The following ENTPD6 variants were observed in gnomAD, a reference collection of about 807,000 sequenced individuals.
The protein encoded by ENTPD6 is ectonucleoside triphosphate diphosphohydrolase 6.
In ENTPD6, 46 loss-of-function variants were observed where a neutral mutation model predicts 61.5. The observed-to-expected ratio is 0.75, with a 90% CI of 0.59 to 0.96. The LOEUF is 0.96. Ranked by LOEUF, ENTPD6 falls within the 40% of genes least tolerant of loss-of-function variation. The pLI is 0.00. For synonymous variants in ENTPD6, 252 were observed against 255.5 expected, an observed-to-expected ratio of 0.99 and a Z score of 0.13; for missense variants, 612 against 629.0, an observed-to-expected ratio of 0.97 and a Z score of 0.29.
At position 25,227,368 on chromosome 20, in the gene ENTPD6, A is replaced by G. The variant is rs753183897; in HGVS notation, c.*1771A>G. On this transcript the variant is annotated 3_prime_UTR_variant, in exon 15 of 15. Coordinates refer to ENST00000376652, the MANE Select transcript of ENTPD6 (RefSeq NM_001247.5). Reference sequence around the variant, plus strand: ...ACTCCGGAGGCTGAGAATCAGACGCATGAAGGTAAAGCCAAAATCAATTTG... The same window carrying G: ...ACTCCGGAGGCTGAGAATCAGACGCGTGAAGGTAAAGCCAAAATCAATTTG... Among the ~76,000 whole-genome samples, 1 of 152,246 alleles carries G rather than the reference A, an allele frequency of 6.6e-6. No individual in the cohort carries two copies. Among genetic ancestry groups the G allele is most frequent in the Non-Finnish European group, 1.5e-5 (1 of 68,046 alleles).
At position 25,209,906 on chromosome 20, in the gene ENTPD6, A is replaced by G. The variant is rs1242841840; in HGVS notation, c.434A>G (p.Tyr145Cys). The G allele has an allele frequency of 4.3e-6, 7 of 1,614,106 alleles. No homozygotes were observed. The South Asian group carries it at 4.4e-5, about 10-fold the overall frequency. The change falls in exon 4 of 15, where the codon TAT (tyrosine) becomes TGT (cysteine). Residue 145 changes from tyrosine (Y) to cysteine (C), a missense_variant. Transcript: ENST00000376652. ...FKALKPGLSA[Y>C]ADDVEKSAQG... is the part of the protein sequence containing the mutation. ...GCACTGAAGCCAGGTCTTTCTGCCT[A>G]TGCTGATGATGTTGAAAAGGTAAGG...
intron 1 of ENTPD6, among the ~76,000 whole-genome samples, chr20:25,200,438 T>C (rs6050427): frequency 0.74 from 112,081 of 151,976 alleles, 41,355 homozygotes; most frequent in East Asian, 0.92. Context: ...TGTAATTCCA[T>C]TTGTTTATTT....
At chr20:25,221,131 C>T in intron 10 of ENTPD6, 101 bp from the exon 11 acceptor site, 1 of 846,988 alleles carries the variant, frequency 1.2e-6, no homozygotes, top group Non-Finnish European at 1.9e-6. Context: ...TCAGCTTCCC[C>T]CATCCTGTGT....
intron 1 of ENTPD6, among the ~76,000 whole-genome samples, chr20:25,204,305 G>GTT (rs2091285854): frequency 6.6e-6 from 1 of 152,030 alleles, no homozygotes; most frequent in Admixed American, 6.6e-5. Flanking sequence ...TTGCTGTTTG[G>GTT]TTTAAGTTGG....
At chr20:25,206,824 C>T (rs1430848231) in intron 2 of ENTPD6, among the ~76,000 whole-genome samples, 1 of 152,206 alleles carries the variant, frequency 6.6e-6, no homozygotes, top group Non-Finnish European at 1.5e-5. Context: ...GGTCTGTGCA[C>T]CAGGTCAGCA....
chr20:25,216,915 C>T (rs1006995886), intron 8 of ENTPD6, among the ~76,000 whole-genome samples, 179 bp downstream of exon 8: 4 of 152,194 alleles, frequency 2.6e-5, no homozygotes, highest in Non-Finnish European at 5.9e-5. Context: ...GATGATGCTT[C>T]TGGCTTGGAG....
chr20:25,217,880 C>A (rs1426933218), intron 9 of ENTPD6, among the ~76,000 whole-genome samples: 1 of 149,704 alleles, frequency 6.7e-6, no homozygotes, highest in Non-Finnish European at 1.5e-5. Flanking sequence ...TTAACCCAGA[C>A]CTCTCTCTCC....
intron 1 of ENTPD6, among the ~76,000 whole-genome samples, chr20:25,206,063 G>A (rs1441865231): frequency 1.3e-5 from 2 of 152,234 alleles, no homozygotes; most frequent in Admixed American, 6.5e-5. Context: ...TGCTTTCCCT[G>A]CAGCCTGTTC....
At position 25,225,560 on chromosome 20, in the gene ENTPD6, T is replaced by A; in HGVS notation, c.1418T>A (p.Ile473Asn). 1 of 1,614,058 alleles carries A rather than the reference T, an allele frequency of 6.2e-7. No individual in the cohort carries two copies. Among genetic ancestry groups the A allele is most frequent in the Non-Finnish European group, 8.5e-7 (1 of 1,179,964 alleles). The change falls in exon 15 of 15, where the codon ATC becomes AAC. Residue 473 changes from isoleucine (I) to asparagine (N), a missense_variant. Physicochemically the swap from Ile to Asn is moderately radical, Grantham distance 149 (BLOSUM62 -3). Transcript: ENST00000376652. ...GCTCTGGGGGCCATTTTTCATTACA[T>A]CGACTCCCTGAACAGACAGAAGAGT... ...SWALGAIFHY[I>N]DSLNRQKSPA...
At chr20:25,203,093 G>C (rs148164819) in intron 1 of ENTPD6, among the ~76,000 whole-genome samples, 1 of 152,118 alleles carries the variant, frequency 6.6e-6, no homozygotes, top group Non-Finnish European at 1.5e-5. Flanking sequence ...TAGCAGTTTG[G>C]GGGTATCTTC....
At chr20:25,207,449 T>C (rs1232044619) in intron 3 of ENTPD6, 52 bp downstream of exon 3, 1 of 1,468,886 alleles carries the variant, frequency 6.8e-7, no homozygotes, top group African/African-American at 1.4e-5. Context: ...TGTGCTACAG[T>C]GTTGGCCGGG....
In ENTPD6 at chr20:25,207,063, C is replaced by G. The variant is rs778793439; in HGVS notation, c.55-13C>G. The G allele has an allele frequency of 1.3e-6, 2 of 1,589,858 alleles. No homozygotes were observed. Among genetic ancestry groups the G allele is most frequent in the African/African-American group, 1.3e-5 (1 of 74,526 alleles). On this transcript the variant is annotated splice_polypyrimidine_tract_variant and intron_variant, in intron 2 of 14. Transcript: ENST00000376652. ...CTAACGTGCTTTTCCTGCCTCTCCC[C>G]CCTTCCCACCAGCAGCCGCAGCACG... is the stretch of plus-strand genomic sequence containing the variant.
intron 4 of ENTPD6, among the ~76,000 whole-genome samples, chr20:25,212,774 C>T (rs1035110631): frequency 2.0e-5 from 3 of 152,092 alleles, no homozygotes; most frequent in East Asian, 1.9e-4. Context: ...GGTGCCATCT[C>T]GGCTCACTGC....
chr20:25,222,030 A>G (rs553957997), intron 11 of ENTPD6: 2 of 154,846 alleles, frequency 1.3e-5, no homozygotes, highest in African/African-American at 4.8e-5. Flanking sequence ...AGCTGTAACT[A>G]GGACAGCCAA....
Position 25,225,324 on chromosome 20 carries a change from GTGCCCTCAGGTCA to G in ENTPD6, c.1356+8_1356+20del. ...CAGGAGCAAAGTGCTGAAGGTAAGG[GTGCCCTCAGGTCA>G]CGCCCCAGCCCCTTTATGGAGTGAG... On this transcript the variant is annotated splice_region_variant and intron_variant, in intron 14 of 14. Transcript: ENST00000376652. 6.2e-7 allele frequency: 1 copy of G among 1,612,452 alleles called. No individual in the cohort carries two copies. Among genetic ancestry groups the G allele is most frequent in the Non-Finnish European group, 8.5e-7 (1 of 1,179,806 alleles).
chr20:25,209,685 G>A (rs1343857132), intron 3 of ENTPD6, among the ~76,000 whole-genome samples, 164 bp from the exon 4 acceptor site: 2 of 152,112 alleles, frequency 1.3e-5, no homozygotes, highest in South Asian at 2.1e-4. Context: ...TTGTTCTGAT[G>A]AACAAAGAGT....
rs1036992243 is a variant in ENTPD6, at chr20:25,215,768, G to C, written c.709+57G>C. On this transcript the variant is annotated intron_variant, in intron 7 of 14. Transcript: ENST00000376652. ...GATCACAGACACCTGCGGAGGGCTC[G>C]ACTGGGCCTTTCGAGAGCAGGAGCC... is the stretch of plus-strand genomic sequence containing the variant. The C allele has an allele frequency of 5.1e-6, 8 of 1,563,394 alleles. No individual in the cohort carries two copies. In the East Asian group the frequency reaches 9.0e-5, roughly 18 times the overall value.
intron 7 of ENTPD6, 80 bp from the exon 8 acceptor site, chr20:25,216,568 C>T: frequency 1.0e-6 from 1 of 1,004,980 alleles, no homozygotes; most frequent in Non-Finnish European, 1.5e-6. Flanking sequence ...CCCCTGAGGG[C>T]CTGGCTTTCA....
intron 12 of ENTPD6, among the ~76,000 whole-genome samples, chr20:25,223,401 G>A (rs1047258765): frequency 4.6e-5 from 7 of 152,216 alleles, no homozygotes; most frequent in African/African-American, 1.2e-4. Context: ...CAGGAAGCCA[G>A]ATTAGGGCGG....
Sources: gnomAD v4.1 joint callset for allele counts (sites outside exome capture counted in the v4.1 genomes callset) on GRCh38, gnomAD v4.1.1 for gene constraint, MANE v1.5 for transcripts, NCBI Gene and HGNC (gene_info 2026-07-23, HGNC 2026-07-21) for gene names.